Variants in FASTKD3 observed in about 807,000 individuals in gnomAD.
The protein encoded by FASTKD3 is FAST kinase domains 3.
Under a neutral mutation model 49.7 loss-of-function variants are expected in FASTKD3, and 47 were observed. That is an observed-to-expected ratio of 0.95 (90% CI 0.75 to 1.21). The LOEUF (loss-of-function observed/expected upper bound fraction) is 1.21. FASTKD3 is among the 50% of genes most tolerant of loss of function. The pLI is 0.00. For missense variants in FASTKD3, 748 were observed against 765.7 expected, an observed-to-expected ratio of 0.98 and a Z score of 0.27; for synonymous variants, 284 against 288.6, an observed-to-expected ratio of 0.98 and a Z score of 0.16.
At chr5:7,860,243 G>T (rs1746437898) in intron 6 of FASTKD3, among the ~76,000 whole-genome samples, 1 of 152,186 alleles carries the variant, frequency 6.6e-6, no homozygotes, top group Non-Finnish European at 1.5e-5. Flanking sequence ...CAGCAGATAT[G>T]AAACCACAGT....
intron 2 of FASTKD3, 98 bp from the exon 3 acceptor site, chr5:7,866,081 G>A (rs887237417): frequency 2.3e-5 from 20 of 855,260 alleles, no homozygotes; most frequent in Non-Finnish European, 3.5e-5. Flanking sequence ...ACTCCAGACA[G>A]AAGTATTCTA....
chr5:7,866,141 C>A (rs1326533844), intron 2 of FASTKD3, among the ~76,000 whole-genome samples, 158 bp from the exon 3 acceptor site: 1 of 152,130 alleles, frequency 6.6e-6, no homozygotes, highest in African/African-American at 2.4e-5. Context: ...TTATGCCCTC[C>A]TCTTGCCACC....
In FASTKD3 at chr5:7,867,571, T is replaced by A; in HGVS notation, c.513A>T (p.Ser171=). Residue 171 remains serine (S), a synonymous_variant, in exon 2 of 7, where the codon TCA becomes TCT. Coordinates refer to ENST00000264669, the MANE Select transcript of FASTKD3 (RefSeq NM_024091.4). ...ALCFQFEKEP[S]QLSNTSLVTA... The stretch of plus-strand genomic sequence containing the variant: ...TCACTAAACTAGTGTTTGACAGCTG[T>A]GAGGGCTCCTTTTCAAACTGAAAGC... 1 of 1,614,264 alleles carries A rather than the reference T, an allele frequency of 6.2e-7. No homozygotes were observed. Among genetic ancestry groups the A allele is most frequent in the Non-Finnish European group, 8.5e-7 (1 of 1,180,054 alleles).
chr5:7,859,313 C>A lies in FASTKD3; in HGVS notation c.*122G>T. 1 of 516,820 alleles carries A rather than the reference C, an allele frequency of 1.9e-6. No homozygotes were observed. The highest frequency in any genetic ancestry group is 3.9e-5 in the Admixed American group (1 of 25,872). The allele number at this position is 516,820 out of a possible 1,614,324, so 32.0% of individuals were successfully genotyped here. A position where few individuals can be genotyped will look rare whatever the true frequency, so the allele number is the denominator to read the frequency against. ...CATAGTATAAGGAAAACTACAGATG[C>A]TTTCAGATCACCAGTCTAGAACATA... On this transcript the variant is annotated 3_prime_UTR_variant, in exon 7 of 7. Transcript: ENST00000264669.
chr5:7,865,615 C>A (rs1746889062), intron 3 of FASTKD3, among the ~76,000 whole-genome samples: 1 of 152,166 alleles, frequency 6.6e-6, no homozygotes. Context: ...AGTACTAAAA[C>A]CCTGTAAAAC....
At chr5:7,866,566 T>C (rs1203670061) in intron 2 of FASTKD3, 80 bp downstream of exon 2, 9 of 1,054,702 alleles carry the variant, frequency 8.5e-6, no homozygotes, top group African/African-American at 1.6e-5. Context: ...AGGCAACATA[T>C]TGCCTTTATA....
chr5:7,868,794 A>G (rs927315213), intron 1 of FASTKD3, among the ~76,000 whole-genome samples, 185 bp downstream of exon 1: 1 of 152,236 alleles, frequency 6.6e-6, no homozygotes, highest in African/African-American at 2.4e-5. Flanking sequence ...AGACAGACAG[A>G]CGGGAGGCCC....
chr5:7,861,232 A>T lies in FASTKD3; in HGVS notation c.1801T>A (p.Phe601Ile). The T allele has an allele frequency of 6.2e-7, 1 of 1,611,440 alleles. No homozygotes were observed. Among genetic ancestry groups the T allele is most frequent in the Non-Finnish European group, 8.5e-7 (1 of 1,178,024 alleles). Residue 601 changes from phenylalanine to isoleucine, a missense_variant, in exon 6 of 7, where the codon TTT (phenylalanine) becomes ATT (isoleucine). Transcript: ENST00000264669. ...IALCIDGPKR[F>I]CSNSKHLLGK... ...AGTAAGTGTTTGCTATTGGAGCAAAACCTTTTTGGACCATCAATACACAGT... is the reference window on the plus strand; with the variant it reads ...AGTAAGTGTTTGCTATTGGAGCAAATCCTTTTTGGACCATCAATACACAGT...
At chr5:7,859,591 C>T in intron 6 of FASTKD3, 52 bp from the exon 7 acceptor site, 1 of 1,181,302 alleles carries the variant, frequency 8.5e-7, no homozygotes, top group Non-Finnish European at 1.2e-6. Context: ...ATCTGAGGTT[C>T]CTCTGGCTAT....
Position 7,866,769 on chromosome 5 carries a change from G to C in FASTKD3, c.1315C>G (p.His439Asp). Residue 439 changes from histidine to aspartate, a missense_variant, in exon 2 of 7, where the codon CAT (histidine) becomes GAT (aspartate). Coordinates refer to ENST00000264669, the MANE Select transcript of FASTKD3 (RefSeq NM_024091.4). The part of the protein sequence containing the change: ...FRKLENVLFT[H>D]FNYFPPKSLL... ...GATTTGGGTGGAAAATAATTGAAATGAGTGAATAGCACGTTTTCCAGCTTT... is the reference window on the plus strand; with the variant it reads ...GATTTGGGTGGAAAATAATTGAAATCAGTGAATAGCACGTTTTCCAGCTTT... The C allele has an allele frequency of 6.2e-7, 1 of 1,614,080 alleles. No individual in the cohort carries two copies. Among genetic ancestry groups the C allele is most frequent in the Non-Finnish European group, 8.5e-7 (1 of 1,179,948 alleles).
Position 7,867,755 on chromosome 5 carries a change from G to A in FASTKD3, c.329C>T (p.Thr110Ile). 6.2e-7 allele frequency: 1 copy of A among 1,614,202 alleles called. No individual in the cohort carries two copies. The highest frequency in any genetic ancestry group is 8.5e-7 in the Non-Finnish European group (1 of 1,180,040). Residue 110 changes from threonine (T) to isoleucine (I), a missense_variant, in exon 2 of 7, where the codon ACT becomes ATT. Coordinates refer to ENST00000264669, the MANE Select transcript of FASTKD3 (RefSeq NM_024091.4). The part of the protein sequence containing the change: ...QMFYRRLSNL[T>I]SSEEVLSFIS... ...AAAACTTAGCACTTCTTCTGATGAA[G>A]TCAAGTTGCTCAGTCTCCTGTAAAA...
At position 7,868,043 on chromosome 5, in the gene FASTKD3, G is replaced by C; in HGVS notation, c.41C>G (p.Ser14Cys). ...CAGAGCTCTATGCATCTGAAAATCA[G>C]ATAAACGATAAAGGTTCTTCCTCAA... is the stretch of plus-strand genomic sequence containing the variant. ...ITLRKNLYRL[S>C]DFQMHRALAA... Residue 14 changes from serine (S) to cysteine (C), a missense_variant, in exon 2 of 7, where the codon TCT (serine) becomes TGT (cysteine). Physicochemically the swap from Ser to Cys is moderately radical, Grantham distance 112. Around this residue, in one of 3 missense-constraint regions of FASTKD3, gnomAD observed 564 missense variants for 562.8 expected, o/e 1.00. Transcript: ENST00000264669. 6.2e-7 allele frequency: 1 copy of C among 1,612,790 alleles called. No individual in the cohort carries two copies. Among genetic ancestry groups the C allele is most frequent in the Non-Finnish European group, 8.5e-7 (1 of 1,179,746 alleles).
At chr5:7,861,920 C>T in intron 4 of FASTKD3, 1 of 371,592 alleles carries the variant, frequency 2.7e-6, no homozygotes, top group African/African-American at 2.1e-5. Context: ...TGACAAGAAC[C>T]ATGCATGCTT....
chr5:7,861,368 G>A (rs1036285142), intron 5 of FASTKD3, 105 bp from the exon 6 acceptor site: 3 of 621,526 alleles, frequency 4.8e-6, no homozygotes, highest in Non-Finnish European at 7.7e-6. Context: ...CTATTACTAT[G>A]TGCCAATATT....
At chr5:7,861,364 C>A (rs940640087) in intron 5 of FASTKD3, 101 bp from the exon 6 acceptor site, 2 of 638,358 alleles carry the variant, frequency 3.1e-6, no homozygotes, top group East Asian at 3.0e-5. Flanking sequence ...TTGGCTATTA[C>A]TATGTGCCAA....
rs1746659334 is a variant in FASTKD3 at position 7,862,886 on chromosome 5, T to TA, written c.1635dup (p.Asn546Ter). ...AAATATAATCTTGCTCCTAAAAGGT[T>TA]AGTCAGCCCAATCTTCACATATCTA... is the stretch of plus-strand genomic sequence containing the variant. On this transcript the variant is annotated frameshift_variant, in exon 4 of 7. Coordinates refer to ENST00000264669, the MANE Select transcript of FASTKD3 (RefSeq NM_024091.4). LOFTEE classifies it high-confidence loss of function. The TA allele has an allele frequency of 6.2e-7, 1 of 1,613,990 alleles. No homozygotes were observed. Among genetic ancestry groups the TA allele is most frequent in the African/African-American group, 1.3e-5 (1 of 74,932 alleles).
rs1746991142 is a variant in FASTKD3 at position 7,866,836 on chromosome 5, C to T, written c.1248G>A (p.Gly416=). The T allele has an allele frequency of 3.1e-6, 5 of 1,613,946 alleles. No individual in the cohort carries two copies. The South Asian group carries it at 4.4e-5, about 14-fold the overall frequency. Residue 416 remains glycine, a synonymous_variant, in exon 2 of 7, where the codon GGG becomes GGA. Coordinates refer to ENST00000264669, the MANE Select transcript of FASTKD3 (RefSeq NM_024091.4). ...RQISALMEPF[G]KLNYLPPNAS... ...CATTTGGTGGCAAATAATTGAGTTT[C>T]CCAAATGGTTCCATTAAGGCAGAAA...
At chr5:7,860,303 G>A (rs563784585) in intron 6 of FASTKD3, among the ~76,000 whole-genome samples, 1 of 152,242 alleles carries the variant, frequency 6.6e-6, no homozygotes, top group Non-Finnish European at 1.5e-5. Flanking sequence ...TCATTCTCAC[G>A]CACTGCTGAG....
In FASTKD3 at chr5:7,862,849, AC is replaced by A. The variant is rs1205002329; in HGVS notation, c.1672del (p.Val558CysfsTer2). ...LGARLYFAPK[V>X]LTPYCYTIDV... ...TATTGTATAACAATAGGGTGTCAAC[AC>A]TTTTGGAGCAAAATATAATCTTGCT... is the stretch of plus-strand genomic sequence containing the variant. On this transcript the variant is annotated frameshift_variant, in exon 4 of 7. Coordinates refer to ENST00000264669, the MANE Select transcript of FASTKD3 (RefSeq NM_024091.4). LOFTEE classifies it high-confidence loss of function. 6.2e-7 allele frequency: 1 copy of A among 1,613,572 alleles called. No homozygotes were observed. Among genetic ancestry groups the A allele is most frequent in the Non-Finnish European group, 8.5e-7 (1 of 1,179,816 alleles).
Sources: allele counts gnomAD v4.1 joint callset (sites outside exome capture counted in the v4.1 genomes callset), GRCh38; gene constraint gnomAD v4.1.1; regional missense constraint gnomAD v4.1.1; transcripts MANE v1.5; gene names NCBI Gene and HGNC (gene_info 2026-07-23, HGNC 2026-07-21).